Variants in ANK2 observed in about 807,000 individuals in gnomAD.
ANK2 encodes ankyrin 2.
In ANK2, 83 loss-of-function variants were observed where a neutral mutation model predicts 360.5. The observed-to-expected ratio is 0.23, with a 90% CI of 0.19 to 0.28. The LOEUF (loss-of-function observed/expected upper bound fraction) is 0.28. Ranked by LOEUF, ANK2 falls within the 10% of genes least tolerant of loss-of-function variation. The pLI is 1.00. For missense variants in ANK2, 4,201 were observed against 4,795.7 expected (o/e 0.88, Z 3.66); for synonymous variants, 1,740 against 1,759.5 (o/e 0.99, Z 0.28).
chr4:112,915,374 T>A (rs1339418871), intron 2 of ANK2, among the ~76,000 whole-genome samples: 1 of 152,124 alleles, frequency 6.6e-6, no homozygotes. Context: ...TAAATAGATG[T>A]TTTTAAAGGA....
intron 2 of ANK2, among the ~76,000 whole-genome samples, chr4:113,183,657 C>G (rs78057543): frequency 0.028 from 4,304 of 152,086 alleles, 207 homozygotes; most frequent in African/African-American, 0.098. Context: ...AGAGTAAGTG[C>G]TGTTCAGAGG....
chr4:113,182,562 T>C (rs139686225), intron 2 of ANK2, among the ~76,000 whole-genome samples: 1 of 151,950 alleles, frequency 6.6e-6, no homozygotes, highest in Non-Finnish European at 1.5e-5. Flanking sequence ...TGGGAAAGAG[T>C]GTCCAGGGAT....
chr4:113,249,890 C>G (rs373174512), intron 10 of ANK2, 28 bp downstream of exon 10: 27 of 1,587,746 alleles, frequency 1.7e-5, no homozygotes, highest in Non-Finnish European at 2.3e-5. Context: ...AGATGGGGTC[C>G]TAAGAAATCT....
chr4:113,018,398 G>A (rs1421827068), intron 2 of ANK2, among the ~76,000 whole-genome samples: 11 of 152,208 alleles, frequency 7.2e-5, no homozygotes, highest in Non-Finnish European at 1.3e-4. Flanking sequence ...GAACCATCGC[G>A]TAAAGAATCA....
chr4:112,802,847 G>A, the ANK2 span, among the ~76,000 whole-genome samples: 1 of 152,144 alleles, frequency 6.6e-6, no homozygotes, highest in Non-Finnish European at 1.5e-5. Flanking sequence ...GAGGTGATAT[G>A]TTAGGAATCG....
intron 1 of ANK2, among the ~76,000 whole-genome samples, chr4:112,883,866 A>G (rs920935520): frequency 2.8e-4 from 40 of 142,174 alleles, no homozygotes; most frequent in Non-Finnish European, 3.7e-4. Context: ...ATTCATATAT[A>G]TATGTATATA....
chr4:113,086,489 C>T (rs2084833888), intron 1 of ANK2, among the ~76,000 whole-genome samples: 1 of 152,152 alleles, frequency 6.6e-6, no homozygotes, highest in African/African-American at 2.4e-5. Flanking sequence ...CTCTGGCAGG[C>T]CCTGTTCTAG....
intron 1 of ANK2, among the ~76,000 whole-genome samples, chr4:113,127,425 T>C (rs547457792): frequency 3.0e-4 from 45 of 152,030 alleles, no homozygotes; most frequent in African/African-American, 1.1e-3. Context: ...AGTACAGAGC[T>C]AGATTAGGTA....
At chr4:113,019,072 A>G (rs2057389033) in intron 2 of ANK2, among the ~76,000 whole-genome samples, 1 of 152,234 alleles carries the variant, frequency 6.6e-6, no homozygotes, top group Admixed American at 6.5e-5. Flanking sequence ...AGGTCGTAAT[A>G]AAAGGGGTAT....
Position 113,308,223 on chromosome 4 carries a change from A to G in ANK2, c.2549-3032A>G, listed in dbSNP as rs1167029676. On this transcript the variant is annotated intron_variant, in intron 23 of 45. Transcript: ENST00000357077. Reference sequence around the variant, plus strand: ...TTTAATCTGAATATTATTTTAAATCATCTTTTCTCCCCCCTTGGCTTGGGC... The same window carrying G: ...TTTAATCTGAATATTATTTTAAATCGTCTTTTCTCCCCCCTTGGCTTGGGC... Among the ~76,000 whole-genome samples the G allele has an allele frequency of 2.6e-5, 4 of 152,204 alleles. No homozygotes were observed. The East Asian group carries it at 7.7e-4, about 29-fold the overall frequency.
intron 1 of ANK2, among the ~76,000 whole-genome samples, chr4:113,085,855 G>T (rs671411): frequency 6.6e-6 from 1 of 151,794 alleles, no homozygotes; most frequent in African/African-American, 2.4e-5. Context: ...TGTTTTTAGA[G>T]AACCTTTACA....
chr4:113,051,440 A>G lies in ANK2; in HGVS notation c.84+1628A>G, dbSNP rs150537439. On this transcript the variant is annotated intron_variant, in intron 1 of 45. Coordinates refer to ENST00000357077, the MANE Select transcript of ANK2 (RefSeq NM_001148.6). Reference sequence around the variant, plus strand: ...GAGGTAGAGACAACGAAATCATCCTATGTAATAACTATCATATCTTTAAGC... The same window carrying G: ...GAGGTAGAGACAACGAAATCATCCTGTGTAATAACTATCATATCTTTAAGC... Among the ~76,000 whole-genome samples, 439 of 152,300 alleles carry G rather than the reference A, an allele frequency of 2.9e-3. 3 individuals carry two copies. The highest frequency in any genetic ancestry group is 4.4e-3 in the Non-Finnish European group (296 of 68,022).
intron 29 of ANK2, 128 bp from the exon 30 acceptor site, chr4:113,335,718 T>G: frequency 2.0e-6 from 2 of 976,480 alleles, no homozygotes; most frequent in South Asian, 2.7e-5. Context: ...AAAATTGTCC[T>G]GTTGTTTCAA....
chr4:112,934,062 G>C (rs58356953), intron 2 of ANK2, among the ~76,000 whole-genome samples: 1 of 152,174 alleles, frequency 6.6e-6, no homozygotes, highest in African/African-American at 2.4e-5. Flanking sequence ...GGTTGGGGGA[G>C]TTGGAGCCTG....
chr4:112,948,940 T>C (rs2094747423), intron 2 of ANK2, among the ~76,000 whole-genome samples: 1 of 152,172 alleles, frequency 6.6e-6, no homozygotes, highest in Non-Finnish European at 1.5e-5. Flanking sequence ...GTCCTCTTCA[T>C]CTCAGGCCTT....
At chr4:113,330,137 TAA>T (rs1344140513) in intron 26 of ANK2, 107 bp from the exon 27 acceptor site, 2 of 1,104,890 alleles carry the variant, frequency 1.8e-6, no homozygotes, top group East Asian at 5.2e-5. Flanking sequence ...TGCATTTAAA[TAA>T]AAAAGAGAGA....
intron 1 of ANK2, among the ~76,000 whole-genome samples, chr4:112,819,485 G>T (rs1460299044): frequency 6.6e-6 from 1 of 152,116 alleles, no homozygotes; most frequent in East Asian, 1.9e-4. Context: ...AAAGATGATG[G>T]TATGAATGCA....
chr4:113,359,352 T>C (rs2096054147), intron 38 of ANK2, 53 bp downstream of exon 38: 5 of 1,604,886 alleles, frequency 3.1e-6, no homozygotes, highest in South Asian at 1.1e-5. Flanking sequence ...AAAATTGATA[T>C]AGTTTTTTTG....
intron 2 of ANK2, among the ~76,000 whole-genome samples, chr4:112,924,312 G>A (rs926530563): frequency 6.6e-6 from 1 of 150,918 alleles, no homozygotes; most frequent in Non-Finnish European, 1.5e-5. Flanking sequence ...AAGCTGCAGT[G>A]AGCTGAGATC....
Sources: gnomAD v4.1 joint callset for allele counts (sites outside exome capture counted in the v4.1 genomes callset) on GRCh38, gnomAD v4.1.1 for gene constraint, MANE v1.5 for transcripts, NCBI Gene and HGNC (gene_info 2026-07-23, HGNC 2026-07-21) for gene names.